Variants in XKR4 observed in about 807,000 individuals in gnomAD.
XKR4 encodes XK-related protein 4.
Under a neutral mutation model 53.9 loss-of-function variants are expected in XKR4, and 12 were observed. The ratio of observed to expected loss-of-function variants is 0.22; its 90% CI spans 0.14 to 0.36. XKR4 has a LOEUF of 0.36. Ranked by LOEUF, XKR4 falls within the 10% of genes least tolerant of loss-of-function variation. XKR4 has a pLI of 1.00. For missense variants in XKR4, 799 were observed against 859.5 expected (o/e 0.93, Z 0.88); for synonymous variants, 354 against 362.4 (o/e 0.98, Z 0.26).
At chr8:55,385,575 A>C (rs1265723079) in intron 2 of XKR4, among the ~76,000 whole-genome samples, 1 of 152,256 alleles carries the variant, frequency 6.6e-6, no homozygotes, top group Non-Finnish European at 1.5e-5. Flanking sequence ...TAAGTGAATG[A>C]AATAATTTAA....
intron 1 of XKR4, among the ~76,000 whole-genome samples, chr8:55,336,502 A>G (rs1026936839): frequency 7.2e-5 from 11 of 152,202 alleles, no homozygotes; most frequent in African/African-American, 2.7e-4. Context: ...TTCCAATGTC[A>G]ATGTCAATAC....
chr8:55,260,131 C>A (rs567014508), intron 1 of XKR4, among the ~76,000 whole-genome samples: 3 of 152,210 alleles, frequency 2.0e-5, no homozygotes, highest in African/African-American at 7.2e-5. Context: ...CAGTACCAGG[C>A]ACAGTGGGCG....
intron 1 of XKR4, among the ~76,000 whole-genome samples, chr8:55,189,847 G>T (rs185899744): frequency 2.2e-4 from 33 of 152,310 alleles, no homozygotes; most frequent in Admixed American, 1.7e-3. Flanking sequence ...TTAGGAAAAG[G>T]AGAGGGAATT....
intron 1 of XKR4, chr8:55,161,522 G>A (rs1816985491): frequency 6.6e-6 from 3 of 455,964 alleles, no homozygotes; most frequent in African/African-American, 2.0e-5. Flanking sequence ...GAAAAGGGCA[G>A]GATGAGCAGC....
At chr8:55,378,970 A>T (rs548063926) in intron 2 of XKR4, among the ~76,000 whole-genome samples, 19 of 152,028 alleles carry the variant, frequency 1.2e-4, no homozygotes, top group African/African-American at 4.3e-4. Context: ...AAAAACAAAA[A>T]CTCCCACAGT....
chr8:55,461,720 AC>A (rs1805661067), intron 2 of XKR4, among the ~76,000 whole-genome samples: 1 of 152,172 alleles, frequency 6.6e-6, no homozygotes, highest in Non-Finnish European at 1.5e-5. Flanking sequence ...TAAGTTAAAA[AC>A]TTTGAAAAAA....
At chr8:55,465,631 CA>C (rs1265664626) in intron 2 of XKR4, among the ~76,000 whole-genome samples, 7 of 151,664 alleles carry the variant, frequency 4.6e-5, no homozygotes, top group South Asian at 2.1e-4. Flanking sequence ...CCAAAATTGA[CA>C]AATGGGATCT....
At chr8:55,442,629 A>G (rs929687541) in intron 2 of XKR4, among the ~76,000 whole-genome samples, 3 of 152,262 alleles carry the variant, frequency 2.0e-5, no homozygotes, top group Non-Finnish European at 4.4e-5. Context: ...CATGCAACAA[A>G]ATATTACTTA....
intron 2 of XKR4, among the ~76,000 whole-genome samples, chr8:55,359,172 G>A (rs747832076): frequency 6.5e-4 from 99 of 152,320 alleles, no homozygotes; most frequent in African/African-American, 1.9e-3. Flanking sequence ...AGAAAAGCAC[G>A]GAGAAGGCAG....
intron 1 of XKR4, among the ~76,000 whole-genome samples, chr8:55,314,071 CAGCAGAAGCAGCTA>C (rs1468547080): frequency 6.6e-6 from 1 of 152,178 alleles, no homozygotes; most frequent in African/African-American, 2.4e-5. Context: ...GGAGGAGGGG[CAGCAGAAGCAGCTA>C]CAATTTCAGG....
At chr8:55,457,174 G>C (rs1585584467) in intron 2 of XKR4, among the ~76,000 whole-genome samples, 1 of 130,534 alleles carries the variant, frequency 7.7e-6, no homozygotes, top group Non-Finnish European at 1.6e-5. Flanking sequence ...ACTGAGTCTT[G>C]CTCTGTCACC....
chr8:55,234,884 G>A (rs929236808), intron 1 of XKR4, among the ~76,000 whole-genome samples: 6 of 152,172 alleles, frequency 3.9e-5, no homozygotes, highest in Admixed American at 3.9e-4. Flanking sequence ...CCGGGAACAT[G>A]AGCTCTGCAT....
At chr8:55,319,976 GT>G (rs1803182836) in intron 1 of XKR4, among the ~76,000 whole-genome samples, 1 of 152,162 alleles carries the variant, frequency 6.6e-6, no homozygotes, top group African/African-American at 2.4e-5. Flanking sequence ...AGCAGTAGCC[GT>G]TATGTCTTTC....
Position 55,457,887 on chromosome 8 carries a change from T to C in XKR4, c.1007-65394T>C, listed in dbSNP as rs770542303. On this transcript the variant is annotated intron_variant, in intron 2 of 2. Transcript: ENST00000327381. Reference sequence around the variant, plus strand: ...AAAAAAGAGGAAAGAAATGGAATTATATTAAAGTTGCTGTATTTTACTGGA... The same window carrying C: ...AAAAAAGAGGAAAGAAATGGAATTACATTAAAGTTGCTGTATTTTACTGGA... 1.7e-4 allele frequency among the ~76,000 whole-genome samples: 26 copies of C among 152,220 alleles called. 2 individuals are homozygous for C. The highest frequency in any genetic ancestry group is 1.6e-3 in the Admixed American group (25 of 15,284).
At chr8:55,486,664 C>T (rs1254216154) in intron 2 of XKR4, among the ~76,000 whole-genome samples, 3 of 152,224 alleles carry the variant, frequency 2.0e-5, no homozygotes, top group Non-Finnish European at 2.9e-5. Flanking sequence ...TTGAAACACT[C>T]ACTGCACTTG....
chr8:55,427,436 C>A (rs940015471), intron 2 of XKR4, among the ~76,000 whole-genome samples: 13 of 152,086 alleles, frequency 8.5e-5, no homozygotes, highest in Non-Finnish European at 1.5e-4. Flanking sequence ...GTCTCAAACA[C>A]CTGGCCTCAA....
intron 2 of XKR4, chr8:55,450,701 G>T (rs546142826): frequency 1.6e-4 from 96 of 584,384 alleles, no homozygotes; most frequent in South Asian, 1.5e-3. Context: ...GCTCCCCCGT[G>T]GCTGAAGCGA....
At chr8:55,162,269 C>T (rs1285444640) in intron 1 of XKR4, among the ~76,000 whole-genome samples, 1 of 152,192 alleles carries the variant, frequency 6.6e-6, no homozygotes, top group East Asian at 1.9e-4. Context: ...ACAACCCACA[C>T]CTTATTTGTC....
chr8:55,403,180 A>G (rs1312592739), intron 2 of XKR4, among the ~76,000 whole-genome samples: 2 of 152,212 alleles, frequency 1.3e-5, no homozygotes, highest in Non-Finnish European at 2.9e-5. Context: ...AATTTTGTTG[A>G]TTTAAAAAAT....
Sources: allele counts gnomAD v4.1 joint callset (sites outside exome capture counted in the v4.1 genomes callset), GRCh38; gene constraint gnomAD v4.1.1; transcripts MANE v1.5; gene names NCBI Gene and HGNC (gene_info 2026-07-23, HGNC 2026-07-21).